SPOPL: variants seen among roughly 807,000 people sequenced by gnomAD.
SPOPL encodes speckle-type POZ protein-like.
Under a neutral mutation model 53.8 loss-of-function variants are expected in SPOPL, and 23 were observed. The observed-to-expected ratio is 0.43, with a 90% CI of 0.31 to 0.61. SPOPL has a LOEUF of 0.61. SPOPL is among the 20% of genes least tolerant of loss of function. The probability of loss-of-function intolerance (pLI) is 0.12; values close to 1 mark genes in which losing one functional copy is unlikely to be tolerated. For synonymous variants in SPOPL, 164 were observed against 149.7 expected (o/e 1.10, Z -0.70); for missense variants, 442 against 466.9 (o/e 0.95, Z 0.49).
chr2:138,527,875 T>C (rs750852066), intron 1 of SPOPL, among the ~76,000 whole-genome samples: 9 of 152,204 alleles, frequency 5.9e-5, no homozygotes, highest in Non-Finnish European at 8.8e-5. Context: ...TCGGTACAAG[T>C]GGGCAAGGTG....
intron 1 of SPOPL, among the ~76,000 whole-genome samples, chr2:138,510,979 T>C (rs1268802747): frequency 6.6e-6 from 1 of 152,160 alleles, no homozygotes; most frequent in Non-Finnish European, 1.5e-5. Context: ...GTTTAGGAAT[T>C]AAGTTTTGGT....
At chr2:138,529,782 T>C (rs1354831597) in intron 1 of SPOPL, among the ~76,000 whole-genome samples, 8 of 152,228 alleles carry the variant, frequency 5.3e-5, no homozygotes, top group African/African-American at 1.4e-4. Flanking sequence ...TGTTATTACA[T>C]TGAGTTTATA....
intron 1 of SPOPL, among the ~76,000 whole-genome samples, chr2:138,538,526 T>C (rs1230948709): frequency 3.3e-5 from 5 of 152,202 alleles, no homozygotes; most frequent in African/African-American, 9.6e-5. Flanking sequence ...CCCAGCTCTC[T>C]TCTGCATGAA....
intron 5 of SPOPL, among the ~76,000 whole-genome samples, chr2:138,557,072 C>T (rs1685441307): frequency 6.6e-6 from 1 of 152,080 alleles, no homozygotes; most frequent in African/African-American, 2.4e-5. Flanking sequence ...AGGAGAATGG[C>T]ATGAATGCAG....
intron 1 of SPOPL, among the ~76,000 whole-genome samples, chr2:138,517,779 G>A (rs1303372555): frequency 6.6e-6 from 1 of 151,000 alleles, no homozygotes; most frequent in Middle Eastern, 3.5e-3. Flanking sequence ...GGGCACGGTG[G>A]CTCATGCCTG....
At chr2:138,551,098 C>G (rs1685305653) in intron 4 of SPOPL, 44 bp downstream of exon 4, 1 of 1,599,484 alleles carries the variant, frequency 6.3e-7, no homozygotes, top group African/African-American at 1.3e-5. Context: ...TGTATAACTA[C>G]ATATTATGAC....
chr2:138,522,129 T>C (rs1257625227), intron 1 of SPOPL, among the ~76,000 whole-genome samples: 1 of 152,122 alleles, frequency 6.6e-6, no homozygotes, highest in African/African-American at 2.4e-5. Flanking sequence ...CCCTCCAAGG[T>C]AATTCTACTG....
At chr2:138,562,753 C>T (rs909449369) in intron 8 of SPOPL, among the ~76,000 whole-genome samples, 6 of 132,356 alleles carry the variant, frequency 4.5e-5, no homozygotes, top group African/African-American at 1.8e-4. Flanking sequence ...CACTGCACTC[C>T]ATCCTGGGCA....
intron 1 of SPOPL, among the ~76,000 whole-genome samples, chr2:138,522,680 G>T (rs143820370): frequency 7.5e-4 from 114 of 152,034 alleles, no homozygotes; most frequent in African/African-American, 2.7e-3. Context: ...TCTTGCCCCT[G>T]CACATTCTTT....
At chr2:138,566,213 G>T (rs1432191498) in intron 10 of SPOPL, among the ~76,000 whole-genome samples, 1 of 152,058 alleles carries the variant, frequency 6.6e-6, no homozygotes, top group Admixed American at 6.6e-5. Flanking sequence ...TGTATAATAC[G>T]TTGGTCAGTG....
chr2:138,505,016 A>C (rs1454344818), intron 1 of SPOPL, among the ~76,000 whole-genome samples: 2 of 152,142 alleles, frequency 1.3e-5, no homozygotes, highest in African/African-American at 4.8e-5. Flanking sequence ...AAAGTTTTGC[A>C]GCCAGGCAAC....
intron 1 of SPOPL, among the ~76,000 whole-genome samples, chr2:138,528,900 A>G (rs953401531): frequency 3.3e-5 from 5 of 152,172 alleles, no homozygotes; most frequent in African/African-American, 9.7e-5. Context: ...AGAGGCAGTT[A>G]TTATCTTCTT....
intron 8 of SPOPL, among the ~76,000 whole-genome samples, chr2:138,563,135 G>A (rs565718990): frequency 6.6e-6 from 1 of 152,202 alleles, no homozygotes; most frequent in Admixed American, 6.5e-5. Flanking sequence ...ATTTCTAAAA[G>A]ACAAAACGTT....
chr2:138,513,077 A>G (rs116804600), intron 1 of SPOPL, among the ~76,000 whole-genome samples: 1,654 of 152,298 alleles, frequency 0.011, 34 homozygotes, highest in African/African-American at 0.037. Context: ...ATGGTGGTGA[A>G]GGGGGAGAGC....
rs1398690317 is a variant in SPOPL, at chr2:138,572,833, T to G, written c.*3753T>G. On this transcript the variant is annotated 3_prime_UTR_variant, in exon 11 of 11. Coordinates refer to ENST00000280098, the MANE Select transcript of SPOPL (RefSeq NM_001001664.3). ...AGTGCCTATCATATGCAAGACTAAC[T>G]CCTTACTAGGAATGAAATCACACAG... The G allele has an allele frequency of 1.3e-5, 2 of 152,554 alleles. No individual in the cohort carries two copies. Among genetic ancestry groups the G allele is most frequent in the African/African-American group, 4.8e-5 (2 of 41,434 alleles). The allele number at this position is 152,554 out of a possible 1,614,324, so 9.5% of individuals were successfully genotyped here.
In SPOPL at chr2:138,559,042, A is replaced by G. The variant is rs1685486870; in HGVS notation, c.501A>G (p.Ser167=). The G allele has an allele frequency of 7.5e-6, 12 of 1,603,292 alleles. No individual in the cohort carries two copies. The highest frequency in any genetic ancestry group is 1.0e-5 in the Non-Finnish European group (12 of 1,177,318). The part of the protein sequence containing the change: ...LFCEVSVVQD[S]VNISGHTNTN... ...ATTAGGTGAGTGTGGTCCAAGATTC[A>G]GTAAACATATCAGGACATACTAATA... Residue 167 remains serine, a synonymous_variant, in exon 6 of 11, where the codon TCA becomes TCG. Transcript: ENST00000280098.
At chr2:138,559,447 G>A in intron 7 of SPOPL, 110 bp downstream of exon 7, 1 of 1,199,018 alleles carries the variant, frequency 8.3e-7, no homozygotes, top group South Asian at 1.7e-5. Context: ...TGATAAGCAG[G>A]GAAAATTTTT....
At chr2:138,563,311 C>T in intron 8 of SPOPL, among the ~76,000 whole-genome samples, 1 of 152,056 alleles carries the variant, frequency 6.6e-6, no homozygotes, top group East Asian at 1.9e-4. Context: ...GTCCCCATCT[C>T]TACAAAAAAA....
chr2:138,512,325 T>C lies in SPOPL; in HGVS notation c.-61+10206T>C, dbSNP rs189218391. Among the ~76,000 whole-genome samples the C allele has an allele frequency of 3.3e-5, 5 of 152,344 alleles. No individual in the cohort carries two copies. The East Asian group carries it at 7.7e-4, about 24-fold the overall frequency. ...ATCTGCTTTCCTTTCATCTCTGTTA[T>C]GACATATTTAGTCAGAATATTGATG... is the stretch of plus-strand genomic sequence containing the variant. On this transcript the variant is annotated intron_variant, in intron 1 of 10. Transcript: ENST00000280098.
Sources: gnomAD v4.1 joint callset for allele counts (sites outside exome capture counted in the v4.1 genomes callset) on GRCh38, gnomAD v4.1.1 for gene constraint, MANE v1.5 for transcripts, NCBI Gene and HGNC (gene_info 2026-07-23, HGNC 2026-07-21) for gene names.